Variants in GPR137C observed in about 807,000 individuals in gnomAD.
The protein encoded by GPR137C is integral membrane protein GPR137C.
In GPR137C, 27 loss-of-function variants were observed where a neutral mutation model predicts 43.4. That is an observed-to-expected ratio of 0.62 (90% CI 0.46 to 0.86). The LOEUF (loss-of-function observed/expected upper bound fraction) is 0.86. Ranked by LOEUF, GPR137C falls within the 40% of genes least tolerant of loss-of-function variation. The pLI is 0.00. For synonymous variants in GPR137C, 285 were observed against 226.9 expected, an observed-to-expected ratio of 1.26 and a Z score of -2.30; for missense variants, 522 against 534.6, an observed-to-expected ratio of 0.98 and a Z score of 0.23.
chr14:52,581,341 C>A (rs1400281317), intron 1 of GPR137C, among the ~76,000 whole-genome samples: 9 of 150,238 alleles, frequency 6.0e-5, no homozygotes, highest in African/African-American at 2.2e-4. Context: ...CAACACAGGC[C>A]AGCCAACATG....
rs376970291 is a variant in GPR137C at position 52,553,342 on chromosome 14, C to T, written c.195C>T (p.Tyr65=). ...LLYAALFAFA[Y]LQLWRLLLYR... ...ACGCCGCGCTGTTCGCCTTTGCCTA[C>T]CTGCAGCTGTGGCGGCTGCTCCTGT... is the stretch of plus-strand genomic sequence containing the variant. The change falls in exon 1 of 7, where the codon TAC becomes TAT. Residue 65 remains tyrosine (Y), a synonymous_variant. Transcript: ENST00000321662. 4.9e-5 allele frequency: 78 copies of T among 1,602,072 alleles called. No homozygotes were observed. In the Admixed American group the frequency reaches 1.0e-3, roughly 20 times the overall value.
At chr14:52,611,696 A>C (rs940392404) in intron 3 of GPR137C, 3 of 415,186 alleles carry the variant, frequency 7.2e-6, no homozygotes, top group African/African-American at 6.4e-5. Context: ...TACATAGTAC[A>C]AAGTAGTAAT....
At chr14:52,587,923 G>C (rs1015733173) in intron 1 of GPR137C, among the ~76,000 whole-genome samples, 1 of 152,148 alleles carries the variant, frequency 6.6e-6, no homozygotes, top group Admixed American at 6.5e-5. Flanking sequence ...AGTGTGATCA[G>C]ATGTACTTTT....
At chr14:52,560,943 A>G (rs1409134101) in intron 1 of GPR137C, among the ~76,000 whole-genome samples, 1 of 152,228 alleles carries the variant, frequency 6.6e-6, no homozygotes, top group Non-Finnish European at 1.5e-5. Flanking sequence ...GGGAGGAAAT[A>G]TTTGCAGCAC....
intron 2 of GPR137C, among the ~76,000 whole-genome samples, chr14:52,599,577 GC>G (rs1255311132): frequency 6.6e-6 from 1 of 151,976 alleles, no homozygotes; most frequent in African/African-American, 2.4e-5. Context: ...GGGACTACAG[GC>G]GTGTGCCGCC....
At chr14:52,612,084 C>T in intron 3 of GPR137C, 1 of 985,004 alleles carries the variant, frequency 1.0e-6, no homozygotes. Flanking sequence ...TTCTACCAGA[C>T]TTGCTGTTTT....
At chr14:52,605,283 A>C (rs2038972286) in intron 3 of GPR137C, among the ~76,000 whole-genome samples, 2 of 151,872 alleles carry the variant, frequency 1.3e-5, no homozygotes, top group South Asian at 4.1e-4. Flanking sequence ...CTTAGGTTTA[A>C]TTTATTCCTG....
chr14:52,628,973 A>G (rs532995740), intron 3 of GPR137C, among the ~76,000 whole-genome samples: 1 of 152,230 alleles, frequency 6.6e-6, no homozygotes, highest in Non-Finnish European at 1.5e-5. Context: ...GGAAGTGGTC[A>G]AAAGATTTGA....
chr14:52,632,392 T>C, intron 4 of GPR137C, 83 bp downstream of exon 4: 1 of 939,932 alleles, frequency 1.1e-6, no homozygotes, highest in East Asian at 2.5e-5. Context: ...GTGTTTGACT[T>C]ACAAACACAT....
chr14:52,593,861 GC>G (rs2038816141), intron 1 of GPR137C, among the ~76,000 whole-genome samples: 1 of 151,870 alleles, frequency 6.6e-6, no homozygotes, highest in South Asian at 2.1e-4. Flanking sequence ...GTTGTTTCTT[GC>G]CTTCTGCTAG....
At chr14:52,589,919 A>C (rs1308213524) in intron 1 of GPR137C, among the ~76,000 whole-genome samples, 3 of 152,204 alleles carry the variant, frequency 2.0e-5, no homozygotes, top group Non-Finnish European at 4.4e-5. Flanking sequence ...AGTATATAAC[A>C]CTGGATAATA....
chr14:52,563,431 C>G (rs142568507), intron 1 of GPR137C, among the ~76,000 whole-genome samples: 93 of 152,266 alleles, frequency 6.1e-4, no homozygotes, highest in African/African-American at 2.2e-3. Flanking sequence ...ATCTGATGCA[C>G]TCAGATTCAA....
chr14:52,597,797 T>C (rs1321907665), intron 1 of GPR137C, among the ~76,000 whole-genome samples: 1 of 152,214 alleles, frequency 6.6e-6, no homozygotes, highest in Non-Finnish European at 1.5e-5. Flanking sequence ...AAATATGATA[T>C]ATCCTCATTA....
At chr14:52,621,351 T>C (rs181703449) in intron 3 of GPR137C, among the ~76,000 whole-genome samples, 12 of 151,654 alleles carry the variant, frequency 7.9e-5, no homozygotes, top group Admixed American at 6.6e-4. Context: ...ATAAAAACAT[T>C]TCCAGAAAAA....
chr14:52,589,944 T>C (rs1196798009), intron 1 of GPR137C, among the ~76,000 whole-genome samples: 1 of 152,198 alleles, frequency 6.6e-6, no homozygotes, highest in Non-Finnish European at 1.5e-5. Flanking sequence ...ATTATGTTAC[T>C]GGTTTATGTA....
chr14:52,592,036 T>C (rs1244014746), intron 1 of GPR137C, among the ~76,000 whole-genome samples: 1 of 152,236 alleles, frequency 6.6e-6, no homozygotes, highest in African/African-American at 2.4e-5. Flanking sequence ...TTCAGCTTTC[T>C]GCATATAGCT....
chr14:52,580,836 A>G (rs2038634097), intron 1 of GPR137C, among the ~76,000 whole-genome samples: 1 of 147,562 alleles, frequency 6.8e-6, no homozygotes, highest in Admixed American at 6.8e-5. Context: ...TAATATTTAT[A>G]TGTATATATT....
chr14:52,561,099 GGTTATTA>G (rs60891822), intron 1 of GPR137C, among the ~76,000 whole-genome samples: 35,443 of 151,918 alleles, frequency 0.23, 5,028 homozygotes, highest in African/African-American at 0.41. Context: ...AGATGCTCAA[GGTTATTA>G]GTTATTAGGA....
intron 1 of GPR137C, among the ~76,000 whole-genome samples, chr14:52,592,583 C>G (rs1041853969): frequency 1.2e-4 from 18 of 152,132 alleles, no homozygotes; most frequent in African/African-American, 4.1e-4. Context: ...ATTTTATTCT[C>G]TTTGTAACAA....
Sources: allele counts gnomAD v4.1 joint callset (sites outside exome capture counted in the v4.1 genomes callset), GRCh38; gene constraint gnomAD v4.1.1; transcripts MANE v1.5; gene names NCBI Gene and HGNC (gene_info 2026-07-23, HGNC 2026-07-21).